The following DHX36 variants were observed in gnomAD, a reference collection of about 807,000 sequenced individuals.
DHX36 encodes the protein ATP-dependent DNA/RNA helicase DHX36.
In DHX36, 50 loss-of-function variants were observed where a neutral mutation model predicts 139.0. The ratio of observed to expected loss-of-function variants is 0.36; its 90% CI spans 0.29 to 0.46. The LOEUF (loss-of-function observed/expected upper bound fraction) is 0.46. Ranked by LOEUF, DHX36 falls within the 20% of genes least tolerant of loss-of-function variation. The pLI is 1.00. For synonymous variants in DHX36, 425 were observed against 401.9 expected, an observed-to-expected ratio of 1.06 and a Z score of -0.69; for missense variants, 1,024 against 1,211.3, an observed-to-expected ratio of 0.85 and a Z score of 2.29.
intron 12 of DHX36, among the ~76,000 whole-genome samples, chr3:154,298,029 AT>A (rs1458309864): frequency 6.6e-6 from 1 of 152,144 alleles, no homozygotes; most frequent in Non-Finnish European, 1.5e-5. Context: ...TCAAGGCTAA[AT>A]TTTTTTCAAC....
At chr3:154,304,660 TC>T in intron 8 of DHX36, 145 bp downstream of exon 8, 1 of 599,016 alleles carries the variant, frequency 1.7e-6, no homozygotes, top group South Asian at 3.8e-5. Context: ...AATTGTCTAA[TC>T]CATGAAACTG....
At chr3:154,276,989 A>C in intron 23 of DHX36, 90 bp from the exon 24 acceptor site, 1 of 1,098,746 alleles carries the variant, frequency 9.1e-7, no homozygotes, top group Non-Finnish European at 1.3e-6. Flanking sequence ...TTAATTAATG[A>C]GTATCTTCCT....
intron 15 of DHX36, 106 bp downstream of exon 15, chr3:154,292,445 T>G (rs1711859137): frequency 6.8e-6 from 10 of 1,460,588 alleles, no homozygotes; most frequent in South Asian, 1.2e-5. Flanking sequence ...CTCAAAATAA[T>G]AAGAAAGGTA....
chr3:154,295,323 T>A lies in DHX36; in HGVS notation c.1566A>T (p.Ile522=), dbSNP rs753773197. 1 of 1,530,324 alleles carries A rather than the reference T, an allele frequency of 6.5e-7. No individual in the cohort carries two copies. The highest frequency in any genetic ancestry group is 1.9e-5 in the Admixed American group (1 of 51,918). 94.8% of individuals were successfully genotyped at this position (1,530,324 alleles called of 1,614,324 possible). ...CTGTAGGCATCAGTGAATGTAAAGG[T>A]ATAATTAAAAATTTATCTGAAAATT... ...VMFKSDKFLI[I]PLHSLMPTVN... The change falls in exon 13 of 25, where the codon ATA becomes ATT. Residue 522 remains isoleucine (I), a synonymous_variant. Coordinates refer to ENST00000496811, the MANE Select transcript of DHX36 (RefSeq NM_020865.3).
intron 2 of DHX36, among the ~76,000 whole-genome samples, 192 bp from the exon 3 acceptor site, chr3:154,315,472 A>G (rs1445997039): frequency 1.3e-5 from 2 of 152,166 alleles, no homozygotes; most frequent in Non-Finnish European, 2.9e-5. Flanking sequence ...TCTTCCCTTT[A>G]AATAGATATT....
chr3:154,288,327 T>C (rs747598239), intron 17 of DHX36, among the ~76,000 whole-genome samples: 29 of 151,924 alleles, frequency 1.9e-4, no homozygotes, highest in Non-Finnish European at 3.2e-4. Flanking sequence ...AAAACTGAAC[T>C]CTTTATGAAG....
intron 20 of DHX36, among the ~76,000 whole-genome samples, chr3:154,281,524 A>T (rs1719336678): frequency 6.6e-6 from 1 of 152,242 alleles, no homozygotes; most frequent in East Asian, 1.9e-4. Flanking sequence ...TAATAACAGA[A>T]TCATAGTATA....
At chr3:154,319,639 T>C (rs1418811791) in intron 1 of DHX36, among the ~76,000 whole-genome samples, 1 of 152,210 alleles carries the variant, frequency 6.6e-6, no homozygotes, top group African/African-American at 2.4e-5. Flanking sequence ...TTTACCTTGC[T>C]TTCCTAAATT....
chr3:154,316,802 GAAA>G (rs752514618), intron 1 of DHX36, among the ~76,000 whole-genome samples: 2 of 133,242 alleles, frequency 1.5e-5, no homozygotes, highest in Admixed American at 7.6e-5. Flanking sequence ...TGTCCAAGGT[GAAA>G]AAAAAAAAAA....
chr3:154,286,182 A>AAAC (rs1711546706), intron 17 of DHX36, among the ~76,000 whole-genome samples: 4 of 99,618 alleles, frequency 4.0e-5, no homozygotes, highest in South Asian at 3.7e-4. Flanking sequence ...AAAAAAAAAA[A>AAAC]AAAAAAAAAA....
At chr3:154,290,009 AC>A (rs946364523) in intron 15 of DHX36, among the ~76,000 whole-genome samples, 183 bp from the exon 16 acceptor site, 109 of 152,210 alleles carry the variant, frequency 7.2e-4, no homozygotes, top group African/African-American at 2.5e-3. Context: ...GTTTAGAAAA[AC>A]GTTATACCCT....
chr3:154,280,040 T>C (rs1719283145), intron 22 of DHX36: 1 of 152,270 alleles, frequency 6.6e-6, no homozygotes, highest in African/African-American at 2.4e-5. Context: ...TCTTCCAAAA[T>C]AGCAGCAACC....
At chr3:154,280,338 T>C (rs1700452816) in intron 22 of DHX36, 1 of 419,106 alleles carries the variant, frequency 2.4e-6, no homozygotes, top group Admixed American at 4.1e-5. Flanking sequence ...TTTACACTGG[T>C]ATCATGTGGT....
intron 1 of DHX36, 94 bp downstream of exon 1, chr3:154,324,080 T>A (rs565589528): frequency 1.5e-6 from 2 of 1,346,644 alleles, no homozygotes; most frequent in Non-Finnish European, 2.0e-6. Context: ...AACACGTGCA[T>A]CACTTAAGAA....
intron 1 of DHX36, among the ~76,000 whole-genome samples, chr3:154,321,715 T>C (rs1713191845): frequency 6.6e-6 from 1 of 152,170 alleles, no homozygotes. Context: ...TCCCAGCACT[T>C]TGGGAGGCCA....
chr3:154,276,434 CT>C (rs1364193543), intron 24 of DHX36, 78 bp from the exon 25 acceptor site: 1 of 1,331,422 alleles, frequency 7.5e-7, no homozygotes, highest in Non-Finnish European at 1.0e-6. Context: ...ACTAATTTAC[CT>C]GATACAAGGA....
At chr3:154,312,881 ATATATATATATATATATAT>A (rs1576880241) in intron 3 of DHX36, among the ~76,000 whole-genome samples, 14 of 115,802 alleles carry the variant, frequency 1.2e-4, no homozygotes, top group South Asian at 1.0e-3. Context: ...ATATATATAT[ATATATATATATATATATAT>A]AAAATAAATA....
At chr3:154,303,465 T>C in intron 8 of DHX36, 55 bp from the exon 9 acceptor site, 1 of 1,249,294 alleles carries the variant, frequency 8.0e-7, no homozygotes, top group Non-Finnish European at 1.1e-6. Flanking sequence ...TTAAAAACAT[T>C]AATATACTGT....
At position 154,303,494 on chromosome 3, in the gene DHX36, ATTAC is replaced by A. The variant is rs992651361; in HGVS notation, c.1136-88_1136-85del. 2.7e-5 allele frequency: 25 copies of A among 933,132 alleles called. No individual in the cohort carries two copies. The Admixed American group carries it at 3.9e-4, about 15-fold the overall frequency. The allele number at this position is 933,132 out of a possible 1,614,324, so 57.8% of individuals were successfully genotyped here. A position where few individuals can be genotyped will look rare whatever the true frequency, so the allele number is the denominator to read the frequency against. ...ATACTGTAAATAGGACAATGACTCTATTACTTACTATTAATTCCAGAAAATGGTC... is the reference window on the plus strand; with the variant it reads ...ATACTGTAAATAGGACAATGACTCTATTACTATTAATTCCAGAAAATGGTC... On this transcript the variant is annotated intron_variant, in intron 8 of 24. Transcript: ENST00000496811.
Sources: allele counts gnomAD v4.1 joint callset (sites outside exome capture counted in the v4.1 genomes callset), GRCh38; gene constraint gnomAD v4.1.1; transcripts MANE v1.5; gene names NCBI Gene and HGNC (gene_info 2026-07-23, HGNC 2026-07-21).